NAAA: variants seen among roughly 807,000 people sequenced by gnomAD.
The protein encoded by NAAA is N-acylethanolamine-hydrolyzing acid amidase.
A neutral mutation model predicts 44.8 loss-of-function variants in NAAA; 39 were observed. That is an observed-to-expected ratio of 0.87 (90% CI 0.67 to 1.14). NAAA has a LOEUF of 1.14. NAAA is among the 50% of genes most tolerant of loss of function. The probability of loss-of-function intolerance (pLI) is 0.00; values close to 1 mark genes in which losing one functional copy is unlikely to be tolerated. For missense variants in NAAA, 460 were observed against 467.8 expected, an observed-to-expected ratio of 0.98 and a Z score of 0.15; for synonymous variants, 178 against 191.3, an observed-to-expected ratio of 0.93 and a Z score of 0.58.
chr4:75,918,326 G>C (rs1475350670), intron 9 of NAAA, among the ~76,000 whole-genome samples: 1 of 152,070 alleles, frequency 6.6e-6, no homozygotes, highest in African/African-American at 2.4e-5. Flanking sequence ...GTGGTGGCAC[G>C]AGCCTGTAGT....
At chr4:75,922,688 A>C (rs146469312) in intron 5 of NAAA, among the ~76,000 whole-genome samples, 1 of 152,328 alleles carries the variant, frequency 6.6e-6, no homozygotes, top group African/African-American at 2.4e-5. Context: ...GTACATGTTA[A>C]ATAAATTTGT....
chr4:75,934,098 T>C (rs994341562), intron 3 of NAAA, among the ~76,000 whole-genome samples: 1 of 140,656 alleles, frequency 7.1e-6, no homozygotes, highest in Non-Finnish European at 1.6e-5. Flanking sequence ...ATAATAATAA[T>C]TTACAGCCTA....
chr4:75,918,628 G>C, intron 9 of NAAA, 133 bp downstream of exon 9: 15 of 797,296 alleles, frequency 1.9e-5, no homozygotes, highest in Middle Eastern at 2.4e-4. Flanking sequence ...TGTACCCACA[G>C]GAGTGCCCCC....
intron 4 of NAAA, among the ~76,000 whole-genome samples, chr4:75,926,635 T>TA (rs1038778162): frequency 4.4e-4 from 67 of 151,312 alleles, no homozygotes; most frequent in African/African-American, 1.6e-3. Context: ...ATATTTGCAT[T>TA]AATAAGAGAT....
chr4:75,934,651 A>G (rs1039910646), intron 3 of NAAA, among the ~76,000 whole-genome samples: 19 of 152,250 alleles, frequency 1.2e-4, no homozygotes, highest in Non-Finnish European at 2.2e-4. Flanking sequence ...GATTACAAAC[A>G]CTAGACAAGA....
intron 2 of NAAA, among the ~76,000 whole-genome samples, chr4:75,936,842 G>C (rs1229803014): frequency 6.6e-6 from 1 of 152,154 alleles, no homozygotes; most frequent in African/African-American, 2.4e-5. Context: ...AAGAGGAGGA[G>C]GCTTGTTAAG....
In NAAA at chr4:75,913,768, G is replaced by A; in HGVS notation, c.*607C>T. On this transcript the variant is annotated 3_prime_UTR_variant, in exon 11 of 11. Coordinates refer to ENST00000286733, the MANE Select transcript of NAAA (RefSeq NM_014435.4). ...GGTTGCATATTATTTTCAAAAAGCA[G>A]TAAGAAAGTAGCTATTGAGAAAGAA... is the stretch of plus-strand genomic sequence containing the variant. The A allele has an allele frequency of 1.0e-6, 1 of 983,074 alleles. No individual in the cohort carries two copies. Among genetic ancestry groups the A allele is most frequent in the Non-Finnish European group, 1.2e-6 (1 of 827,894 alleles). The allele number at this position is 983,074 out of a possible 1,614,324, so 60.9% of individuals were successfully genotyped here. A position where few individuals can be genotyped will look rare whatever the true frequency, so the allele number is the denominator to read the frequency against.
At chr4:75,913,576 A>G (rs1725419425), downstream of NAAA, 6 of 677,624 alleles carry the variant, frequency 8.9e-6, no homozygotes, top group Non-Finnish European at 9.1e-6. Context: ...TAACATCACA[A>G]CTAAGAGAGT....
intron 4 of NAAA, among the ~76,000 whole-genome samples, chr4:75,928,420 A>G (rs1726927904): frequency 1.3e-5 from 2 of 152,302 alleles, no homozygotes; most frequent in Admixed American, 6.5e-5. Context: ...GTCAGAGCTG[A>G]TAAGACTTAG....
At chr4:75,923,814 A>G (rs1184172069) in intron 5 of NAAA, among the ~76,000 whole-genome samples, 1 of 152,144 alleles carries the variant, frequency 6.6e-6, no homozygotes, top group Admixed American at 6.6e-5. Flanking sequence ...CTGGGATTAC[A>G]GGTGTGAGCC....
At chr4:75,913,281 C>T (rs368319785), downstream of NAAA, among the ~76,000 whole-genome samples, 2 of 151,786 alleles carry the variant, frequency 1.3e-5, no homozygotes, top group African/African-American at 4.8e-5. Context: ...CTCTTTTTAT[C>T]CCCCGCTCCT....
In NAAA at chr4:75,926,371, G is replaced by C. The variant is rs12646951; in HGVS notation, c.590-560C>G. On this transcript the variant is annotated intron_variant, in intron 4 of 10. Coordinates refer to ENST00000286733, the MANE Select transcript of NAAA (RefSeq NM_014435.4). ...AGGTCAGGAGTTCGACACTAGCCTC[G>C]CCAACATGGTGAAACCCTGTCTCTA... Among the ~76,000 whole-genome samples, 12 of 151,936 alleles carry C rather than the reference G, an allele frequency of 7.9e-5. No individual in the cohort carries two copies. The East Asian group carries it at 1.6e-3, about 20-fold the overall frequency.
At chr4:75,939,289 G>A (rs1728004314) in intron 2 of NAAA, among the ~76,000 whole-genome samples, 2 of 152,122 alleles carry the variant, frequency 1.3e-5, no homozygotes, top group South Asian at 4.1e-4. Flanking sequence ...AATGCAGGGC[G>A]ACAAATAAGG....
rs182182880 is a variant in NAAA, at chr4:75,924,660, C to T, written c.666+1075G>A. ...TGGAGATTTTAAAAGGGGAGTACATCTGTCTCTGTAGAAGAGCATAATATT... is the reference window on the plus strand; with the variant it reads ...TGGAGATTTTAAAAGGGGAGTACATTTGTCTCTGTAGAAGAGCATAATATT... On this transcript the variant is annotated intron_variant, in intron 5 of 10. Coordinates refer to ENST00000286733, the MANE Select transcript of NAAA (RefSeq NM_014435.4). 4.3e-3 allele frequency among the ~76,000 whole-genome samples: 658 copies of T among 152,328 alleles called. 3 individuals carry two copies. Among genetic ancestry groups the T allele is most frequent in the Non-Finnish European group, 5.4e-3 (365 of 68,032 alleles).
At position 75,917,178 on chromosome 4, in the gene NAAA, T is replaced by C. The variant is rs181791136; in HGVS notation, c.998+1583A>G. 5.0e-4 allele frequency: 369 copies of C among 739,828 alleles called. 2 individuals are homozygous for C. Among genetic ancestry groups the C allele is most frequent in the Non-Finnish European group, 5.9e-4 (355 of 606,152 alleles). 45.8% of individuals were successfully genotyped at this position (739,828 alleles called of 1,614,324 possible). On this transcript the variant is annotated intron_variant, in intron 9 of 10. Coordinates refer to ENST00000286733, the MANE Select transcript of NAAA (RefSeq NM_014435.4). The stretch of plus-strand genomic sequence containing the variant: ...AAAAATGACTATTAAAAGGGCAACA[T>C]TGTGCCCCGCTATGAAGGGTACAGT...
rs778334554 is a variant in NAAA at position 75,918,827 on chromosome 4, T to C, written c.970-38A>G. On this transcript the variant is annotated intron_variant, in intron 8 of 10. Transcript: ENST00000286733. ...AAGTCATTTTATAGAGAAGATTACATGGTAGAAGAAATACACATAGAATAT... is the reference window on the plus strand; with the variant it reads ...AAGTCATTTTATAGAGAAGATTACACGGTAGAAGAAATACACATAGAATAT... 3.8e-6 allele frequency: 6 copies of C among 1,579,380 alleles called. No homozygotes were observed. In the African/African-American group the frequency reaches 4.1e-5, roughly 11 times the overall value.
chr4:75,938,668 A>C (rs1032445533), intron 2 of NAAA, among the ~76,000 whole-genome samples: 7 of 152,174 alleles, frequency 4.6e-5, no homozygotes, highest in African/African-American at 1.7e-4. Context: ...AGAAGCTCTA[A>C]GTATGTACAA....
intron 2 of NAAA, among the ~76,000 whole-genome samples, chr4:75,938,078 C>T (rs1337161926): frequency 2.6e-5 from 4 of 152,190 alleles, no homozygotes; most frequent in Non-Finnish European, 4.4e-5. Flanking sequence ...AGCAAGGTGG[C>T]CCCACTGAGG....
chr4:75,924,357 G>T (rs1388728143), intron 5 of NAAA, among the ~76,000 whole-genome samples: 1 of 152,234 alleles, frequency 6.6e-6, no homozygotes, highest in Non-Finnish European at 1.5e-5. Context: ...ATGCGTAACA[G>T]TCTGATAATT....
Sources: gnomAD v4.1 joint callset for allele counts (sites outside exome capture counted in the v4.1 genomes callset) on GRCh38, gnomAD v4.1.1 for gene constraint, MANE v1.5 for transcripts, NCBI Gene and HGNC (gene_info 2026-07-23, HGNC 2026-07-21) for gene names.